LOC400499: variants seen among roughly 807,000 people sequenced by gnomAD.
chr16:11,483,120 C>T, the LOC400499 span, among the ~76,000 whole-genome samples: 7 of 152,100 alleles, frequency 4.6e-5, no homozygotes, highest in Admixed American at 3.9e-4. Context: ...TACCACAACG[C>T]ATTATTAGAA....
At chr16:11,450,218 C>G in the LOC400499 span, among the ~76,000 whole-genome samples, 1 of 152,242 alleles carries the variant, frequency 6.6e-6, no homozygotes, top group African/African-American at 2.4e-5. Context: ...TGCTTCTGCA[C>G]CAAACGTGTG....
the LOC400499 span, among the ~76,000 whole-genome samples, chr16:11,476,431 C>A: frequency 6.6e-6 from 1 of 152,004 alleles, no homozygotes; most frequent in Admixed American, 6.6e-5. Flanking sequence ...ACACGCCCAC[C>A]CTTCACAGTC....
chr16:11,487,760 G>GA, the LOC400499 span, among the ~76,000 whole-genome samples: 2 of 151,988 alleles, frequency 1.3e-5, no homozygotes, highest in African/African-American at 2.4e-5. Context: ...CTTAACACAG[G>GA]AAAAAACACT....
chr16:11,414,139 G>T, the LOC400499 span, among the ~76,000 whole-genome samples: 2 of 152,350 alleles, frequency 1.3e-5, no homozygotes. Flanking sequence ...ATCCACACCA[G>T]CCCTGTGATT....
At chr16:11,408,158 T>C in the LOC400499 span, among the ~76,000 whole-genome samples, 1 of 151,888 alleles carries the variant, frequency 6.6e-6, no homozygotes, top group Non-Finnish European at 1.5e-5. Flanking sequence ...AATTTTTGTA[T>C]TTTTAGTAGA....
chr16:11,468,403 A>C, the LOC400499 span, among the ~76,000 whole-genome samples: 3 of 152,118 alleles, frequency 2.0e-5, no homozygotes, highest in Non-Finnish European at 2.9e-5. Context: ...GGCTCAGTGC[A>C]GCCTTGACCT....
chr16:11,447,977 G>A, the LOC400499 span: 2 of 1,535,918 alleles, frequency 1.3e-6, no homozygotes, highest in Non-Finnish European at 1.7e-6. Flanking sequence ...GTCCTGTCTT[G>A]CCTCAGCTCC....
the LOC400499 span, among the ~76,000 whole-genome samples, chr16:11,514,720 C>T: frequency 6.6e-6 from 1 of 152,102 alleles, no homozygotes; most frequent in African/African-American, 2.4e-5. Flanking sequence ...ACCCCTGGCT[C>T]GCCTGGATTG....
the LOC400499 span, among the ~76,000 whole-genome samples, chr16:11,378,326 C>A: frequency 1.3e-5 from 2 of 149,882 alleles, no homozygotes; most frequent in Non-Finnish European, 3.0e-5. Context: ...TGCAGTGGCA[C>A]AATCTCAGCT....
At chr16:11,382,584 T>C in the LOC400499 span, among the ~76,000 whole-genome samples, 767 of 152,184 alleles carry the variant, frequency 5.0e-3, 5 homozygotes, top group African/African-American at 0.018. Context: ...GTGTTGATGA[T>C]TATTGTGGTG....
chr16:11,399,907 A>T, the LOC400499 span: 4 of 397,978 alleles, frequency 1.0e-5, no homozygotes, highest in African/African-American at 8.2e-5. Flanking sequence ...CTCTGTTGGG[A>T]AATGAGAGGC....
the LOC400499 span, among the ~76,000 whole-genome samples, chr16:11,525,199 G>C: frequency 1.1e-4 from 16 of 151,654 alleles, no homozygotes; most frequent in East Asian, 1.9e-3. Context: ...AGAATTGCTT[G>C]AGCCGACAGG....
At chr16:11,465,706 G>C in the LOC400499 span, among the ~76,000 whole-genome samples, 1 of 151,896 alleles carries the variant, frequency 6.6e-6, no homozygotes, top group Non-Finnish European at 1.5e-5. Context: ...CCAGGGGTTT[G>C]AGGCTGCAGT....
At chr16:11,498,471 G>A in the LOC400499 span, among the ~76,000 whole-genome samples, 6 of 151,250 alleles carry the variant, frequency 4.0e-5, no homozygotes, top group South Asian at 6.3e-4. Flanking sequence ...AACAGAGCGA[G>A]ACTCCGTCTC....
the LOC400499 span, among the ~76,000 whole-genome samples, chr16:11,405,454 G>T: frequency 6.6e-6 from 1 of 152,206 alleles, no homozygotes; most frequent in African/African-American, 2.4e-5. Flanking sequence ...ATGGTCACAA[G>T]AGACATTCAA....
chr16:11,519,772 C>T, the LOC400499 span, among the ~76,000 whole-genome samples: 3 of 150,444 alleles, frequency 2.0e-5, no homozygotes, highest in Non-Finnish European at 4.4e-5. Flanking sequence ...ATGGCGCGAT[C>T]TTGGCTCACA....
chr16:11,383,286 C>A, the LOC400499 span, among the ~76,000 whole-genome samples: 15 of 152,160 alleles, frequency 9.9e-5, no homozygotes, highest in African/African-American at 3.6e-4. Context: ...CCAGGATGGT[C>A]TCGATCTCCT....
the LOC400499 span, among the ~76,000 whole-genome samples, chr16:11,500,345 T>A: frequency 1.3e-5 from 2 of 151,436 alleles, no homozygotes; most frequent in African/African-American, 2.4e-5. Context: ...CCGTCTCTAC[T>A]GAAAAAAATA....
chr16:11,441,227 G>T, the LOC400499 span, among the ~76,000 whole-genome samples: 2 of 152,206 alleles, frequency 1.3e-5, no homozygotes, highest in Non-Finnish European at 2.9e-5. Context: ...TTATAGGGCA[G>T]GAAGCGGGGA....
Sources: gnomAD v4.1 joint callset for allele counts (sites outside exome capture counted in the v4.1 genomes callset) on GRCh38, gnomAD v4.1.1 for gene constraint, MANE v1.5 for transcripts.